LYN: variants seen among roughly 807,000 people sequenced by gnomAD.
LYN encodes the protein tyrosine-protein kinase Lyn.
Under a neutral mutation model 65.0 loss-of-function variants are expected in LYN, and 12 were observed. The observed-to-expected ratio is 0.18, with a 90% CI of 0.12 to 0.30. The LOEUF is 0.30. Among genes scored for constraint, LYN ranks in the 10% least tolerant of loss-of-function variants. LYN has a pLI of 1.00. For synonymous variants in LYN, 222 were observed against 221.2 expected, an observed-to-expected ratio of 1.00 and a Z score of -0.03; for missense variants, 380 against 623.2, an observed-to-expected ratio of 0.61 and a Z score of 4.16.
At chr8:55,988,301 T>G (rs1459648308) in intron 10 of LYN, among the ~76,000 whole-genome samples, 1 of 151,480 alleles carries the variant, frequency 6.6e-6, no homozygotes, top group Admixed American at 6.6e-5. Flanking sequence ...GGTGTGTGTG[T>G]GTGTGTGTGT....
intron 10 of LYN, among the ~76,000 whole-genome samples, chr8:55,974,164 G>A (rs763166264): frequency 3.9e-5 from 6 of 152,148 alleles, no homozygotes; most frequent in Non-Finnish European, 8.8e-5. Flanking sequence ...CTTGATCCAG[G>A]GACTTCTGAC....
At chr8:55,917,745 T>C (rs1805819471) in intron 1 of LYN, among the ~76,000 whole-genome samples, 1 of 152,196 alleles carries the variant, frequency 6.6e-6, no homozygotes, top group African/African-American at 2.4e-5. Flanking sequence ...ATTTATAGAA[T>C]TAGAGTTAAA....
chr8:55,941,229 T>TA (rs1365165773), intron 1 of LYN, among the ~76,000 whole-genome samples: 8 of 152,030 alleles, frequency 5.3e-5, no homozygotes, highest in Non-Finnish European at 8.8e-5. Context: ...GTCTTCAGGG[T>TA]AAAAAATCAA....
chr8:55,908,078 A>G (rs1805480654), intron 1 of LYN, among the ~76,000 whole-genome samples: 1 of 152,120 alleles, frequency 6.6e-6, no homozygotes, highest in East Asian at 1.9e-4. Context: ...AAGGATTAGC[A>G]TATGCTGCTT....
At chr8:55,949,678 AT>A (rs1284877333) in intron 4 of LYN, among the ~76,000 whole-genome samples, 3 of 152,216 alleles carry the variant, frequency 2.0e-5, no homozygotes, top group Non-Finnish European at 2.9e-5. Context: ...CATCTGGAAC[AT>A]TTATTCTTTC....
chr8:55,935,413 G>C (rs191437637), intron 1 of LYN, among the ~76,000 whole-genome samples: 1 of 152,170 alleles, frequency 6.6e-6, no homozygotes, highest in South Asian at 2.1e-4. Flanking sequence ...GGTATGTAAG[G>C]CAAAAAATCT....
chr8:55,995,586 G>C (rs971499979), intron 10 of LYN, among the ~76,000 whole-genome samples: 3 of 152,180 alleles, frequency 2.0e-5, no homozygotes, highest in African/African-American at 7.2e-5. Context: ...AGGGAGCACT[G>C]GGGATGCATG....
intron 8 of LYN, among the ~76,000 whole-genome samples, chr8:55,958,071 C>T (rs987399774): frequency 7.2e-5 from 11 of 152,156 alleles, no homozygotes; most frequent in African/African-American, 2.7e-4. Flanking sequence ...AGCAGGAAGT[C>T]AGGAGCTAGG....
chr8:55,903,287 TG>T (rs1463472529), intron 1 of LYN, among the ~76,000 whole-genome samples: 9 of 152,216 alleles, frequency 5.9e-5, no homozygotes, highest in African/African-American at 1.9e-4. Flanking sequence ...GCCACCGTGC[TG>T]GGCCTTGTAC....
rs1806275184 is a variant in LYN, at chr8:55,931,669, AAT to A, written c.-5-10183_-5-10182del. On this transcript the variant is annotated intron_variant, in intron 1 of 12. Transcript: ENST00000519728. ...CATTTTTTCACTTAAATATATTGTG[AAT>A]ATCTTTTTATGTCAATAAATATATA... 2.0e-5 allele frequency among the ~76,000 whole-genome samples: 3 copies of A among 151,984 alleles called. No individual in the cohort carries two copies. In the South Asian group the frequency reaches 6.2e-4, roughly 31 times the overall value.
At chr8:55,902,458 G>C (rs997552095) in intron 1 of LYN, among the ~76,000 whole-genome samples, 1 of 151,320 alleles carries the variant, frequency 6.6e-6, no homozygotes, top group African/African-American at 2.4e-5. Flanking sequence ...CTCCTGAGTA[G>C]CTGGAATTAC....
In LYN at chr8:55,979,187, C is replaced by T. The variant is rs531174273; in HGVS notation, c.1050+9394C>T. Among the ~76,000 whole-genome samples, 23 of 151,514 alleles carry T rather than the reference C, an allele frequency of 1.5e-4. No homozygotes were observed. The South Asian group carries it at 3.8e-3, about 25-fold the overall frequency. ...CCTCCCGAGTAGCTGGGATTACAAA[C>T]GTGTGCCACCACGCCCAGCTAATTT... is the stretch of plus-strand genomic sequence containing the variant. On this transcript the variant is annotated intron_variant, in intron 10 of 12. Coordinates refer to ENST00000519728, the MANE Select transcript of LYN (RefSeq NM_002350.4).
intron 1 of LYN, among the ~76,000 whole-genome samples, chr8:55,900,539 ATTTTTTT>A (rs5891598): frequency 2.0e-4 from 25 of 126,430 alleles, no homozygotes; most frequent in East Asian, 4.5e-4. Flanking sequence ...TGCCCAGCTA[ATTTTTTT>A]TTTTTTTTTT....
chr8:55,909,034 CACACACACACACACA>C (rs1805520355), intron 1 of LYN, among the ~76,000 whole-genome samples: 1 of 41,692 alleles, frequency 2.4e-5, no homozygotes, highest in Non-Finnish European at 5.5e-5. Flanking sequence ...CACACACACA[CACACACACACACACA>C]CACCCCACAT....
chr8:55,897,713 A>G (rs1456091341), intron 1 of LYN, among the ~76,000 whole-genome samples: 1 of 152,104 alleles, frequency 6.6e-6, no homozygotes, highest in African/African-American at 2.4e-5. Context: ...GAAGTTTGAG[A>G]CCATCCTAGG....
chr8:55,890,699 A>T (rs972537873), intron 1 of LYN, among the ~76,000 whole-genome samples: 3 of 151,678 alleles, frequency 2.0e-5, no homozygotes, highest in Non-Finnish European at 4.4e-5. Flanking sequence ...AATGGATGAA[A>T]TAAAATGTGG....
chr8:55,928,176 C>T (rs1262769817), intron 1 of LYN, among the ~76,000 whole-genome samples: 4 of 152,162 alleles, frequency 2.6e-5, no homozygotes, highest in African/African-American at 4.8e-5. Flanking sequence ...GACAGAATCT[C>T]GCTCTGTTGC....
chr8:55,989,872 A>G (rs1393250817), intron 10 of LYN, among the ~76,000 whole-genome samples: 1 of 152,188 alleles, frequency 6.6e-6, no homozygotes, highest in East Asian at 1.9e-4. Context: ...GAAGGTGTAC[A>G]TTGGTTCAAC....
chr8:55,993,050 G>A (rs375952195), intron 10 of LYN, among the ~76,000 whole-genome samples: 1 of 152,264 alleles, frequency 6.6e-6, no homozygotes, highest in East Asian at 1.9e-4. Context: ...CCTTAGGGGT[G>A]ATAAAAATCT....
Sources: gnomAD v4.1 joint callset for allele counts (sites outside exome capture counted in the v4.1 genomes callset) on GRCh38, gnomAD v4.1.1 for gene constraint, MANE v1.5 for transcripts, NCBI Gene and HGNC (gene_info 2026-07-23, HGNC 2026-07-21) for gene names.